The following ZNF814 variants were observed in gnomAD, a reference collection of about 807,000 sequenced individuals.
ZNF814 encodes zinc finger protein 814.
A neutral mutation model predicts 7.5 loss-of-function variants in ZNF814; 5 were observed. That is an observed-to-expected ratio of 0.67 (90% CI 0.35 to 1.40). The LOEUF is 1.40. ZNF814 is among the 40% of genes most tolerant of loss of function. The pLI, the probability that ZNF814 is intolerant of heterozygous loss-of-function variation, is 0.04. For missense variants in ZNF814, 962 were observed against 1,018.0 expected, an observed-to-expected ratio of 0.94 and a Z score of 0.75; for synonymous variants, 315 against 340.7, an observed-to-expected ratio of 0.92 and a Z score of 0.83.
At chr19:57,875,961 T>C (rs1317652079) in intron 2 of ZNF814, among the ~76,000 whole-genome samples, 2 of 118,860 alleles carry the variant, frequency 1.7e-5, no homozygotes, top group East Asian at 2.3e-4. Flanking sequence ...TTTTTTTTTT[T>C]TTTTTTTTTT....
the ZNF814 span, among the ~76,000 whole-genome samples, chr19:57,900,895 T>C: frequency 7.9e-6 from 1 of 126,440 alleles, no homozygotes; most frequent in Non-Finnish European, 1.6e-5. Context: ...TCGCCCAGGC[T>C]GGAGTGCAGT....
In ZNF814 at chr19:57,874,055, A is replaced by G; in HGVS notation, c.1335T>C (p.Phe445=). The G allele has an allele frequency of 6.2e-7, 1 of 1,610,398 alleles. No individual in the cohort carries two copies. Among genetic ancestry groups the G allele is most frequent in the Non-Finnish European group, 8.5e-7 (1 of 1,178,328 alleles). The part of the protein sequence containing the change: ...PYGCEECGKS[F]SSEGHLRSHQ... ...GGCTCCTAAGATGTCCTTCTGAACT[A>G]AAAGATTTCCCACATTCTTCACACC... The change falls in exon 3 of 3, where the codon TTT becomes TTC. Residue 445 remains phenylalanine, a synonymous_variant. Coordinates refer to ENST00000435989, the MANE Select transcript of ZNF814 (RefSeq NM_001144989.2).
the ZNF814 span, among the ~76,000 whole-genome samples, chr19:57,894,080 C>T: frequency 7.1e-6 from 1 of 141,550 alleles, no homozygotes; most frequent in South Asian, 2.3e-4. Context: ...GAGACTCTGT[C>T]TCGAAAAAAA....
At position 57,874,761 on chromosome 19, in the gene ZNF814, C is replaced by T. The variant is rs757344209; in HGVS notation, c.629G>A (p.Gly210Glu). The change falls in exon 3 of 3, where the codon GGG (glycine) becomes GAG (glutamate). Residue 210 changes from glycine to glutamate, a missense_variant. By Grantham distance (98) the Gly-to-Glu change is moderately conservative. Coordinates refer to ENST00000435989, the MANE Select transcript of ZNF814 (RefSeq NM_001144989.2). The stretch of plus-strand genomic sequence containing the variant: ...TTCTCCACAGCTGTAGTGAGCTCCC[C>T]CACACTGAATGGGAGACACACACTC... Reference protein sequence around the residue: ...KTECVSPIQCGGAHYSCGESM... With the variant: ...KTECVSPIQCEGAHYSCGESM... 5 of 1,613,714 alleles carry T rather than the reference C, an allele frequency of 3.1e-6. No homozygotes were observed. The South Asian group carries it at 5.5e-5, about 18-fold the overall frequency.
Position 57,874,504 on chromosome 19 carries a change from G to T in ZNF814, c.886C>A (p.His296Asn), listed in dbSNP as rs879219304. 21 of 1,392,532 alleles carry T rather than the reference G, an allele frequency of 1.5e-5. 7 individuals carry two copies. Among genetic ancestry groups the T allele is most frequent in the South Asian group, 6.6e-5 (5 of 75,200 alleles). The allele number at this position is 1,392,532 out of a possible 1,614,324, so 86.3% of individuals were successfully genotyped here. ...GATTTCCCACATTCTCCACATTCAT[G>T]TTTTTTTTCAGTGTGAACTCTCTGA... ...NHQRVHTEKKHECGECGKSFS... is the reference protein window; with the variant it reads ...NHQRVHTEKKNECGECGKSFS... The change falls in exon 3 of 3, where the codon CAT becomes AAT. Residue 296 changes from histidine (H) to asparagine (N), a missense_variant. His to Asn is a moderately conservative substitution (Grantham distance 68). Transcript: ENST00000435989.
chr19:57,883,249 A>T (rs999523724), intron 1 of ZNF814, among the ~76,000 whole-genome samples: 7 of 151,992 alleles, frequency 4.6e-5, no homozygotes, highest in African/African-American at 1.4e-4. Context: ...TCCCAGCTAC[A>T]CGGGAGGCTG....
At chr19:57,895,565 C>G in the ZNF814 span, among the ~76,000 whole-genome samples, 4 of 151,958 alleles carry the variant, frequency 2.6e-5, no homozygotes, top group Non-Finnish European at 5.9e-5. Flanking sequence ...TGTGAGTCAC[C>G]GCACCTGGCC....
At chr19:57,884,134 A>T (rs1205769806) in intron 1 of ZNF814, among the ~76,000 whole-genome samples, 2 of 152,232 alleles carry the variant, frequency 1.3e-5, no homozygotes, top group Admixed American at 6.5e-5. Flanking sequence ...AGATCAAGTT[A>T]AAAAGCTTCT....
At chr19:57,895,825 T>C in the ZNF814 span, among the ~76,000 whole-genome samples, 2 of 152,092 alleles carry the variant, frequency 1.3e-5, no homozygotes, top group East Asian at 3.9e-4. Flanking sequence ...AAGAGAGGGT[T>C]CTTTGGATCT....
chr19:57,902,581 T>C, the ZNF814 span, among the ~76,000 whole-genome samples: 1 of 140,198 alleles, frequency 7.1e-6, no homozygotes, highest in South Asian at 2.3e-4. Flanking sequence ...AAATATGTTC[T>C]CTCTTTTCTT....
the ZNF814 span, among the ~76,000 whole-genome samples, chr19:57,895,988 A>G: frequency 6.6e-6 from 1 of 152,182 alleles, no homozygotes; most frequent in Non-Finnish European, 1.5e-5. Context: ...ACTTGTTTAT[A>G]CATAGTGTCA....
upstream of ZNF814, among the ~76,000 whole-genome samples, chr19:57,892,933 T>G (rs2071740829): frequency 6.6e-6 from 1 of 152,228 alleles, no homozygotes; most frequent in Non-Finnish European, 1.5e-5. Context: ...CCAGGGCAAG[T>G]TTGAGCCTTG....
At chr19:57,904,526 C>T in the ZNF814 span, among the ~76,000 whole-genome samples, 10 of 152,180 alleles carry the variant, frequency 6.6e-5, no homozygotes, top group Non-Finnish European at 8.8e-5. Flanking sequence ...GAAAGCAGGT[C>T]ATGTTCACTG....
intron 1 of ZNF814, among the ~76,000 whole-genome samples, chr19:57,878,492 ACT>A (rs2122443277): frequency 7.3e-6 from 1 of 137,606 alleles, no homozygotes; most frequent in East Asian, 2.1e-4. Context: ...ATGGAGTCTC[ACT>A]CTGTCACCAG....
Position 57,872,945 on chromosome 19 carries a change from G to C in ZNF814, c.2445C>G (p.Leu815=), listed in dbSNP as rs1455095272. The C allele has an allele frequency of 6.2e-7, 1 of 1,613,976 alleles. No individual in the cohort carries two copies. The highest frequency in any genetic ancestry group is 1.7e-5 in the Admixed American group (1 of 59,994). ...CGKSFAESSS[L]TKHKRVHTGE... ...CAGTGTGAACTCTCTTGTGTTTAGT[G>C]AGACTGGAGCTTTCAGCAAAAGATT... Residue 815 remains leucine (L), a synonymous_variant, in exon 3 of 3, where the codon CTC becomes CTG. Coordinates refer to ENST00000435989, the MANE Select transcript of ZNF814 (RefSeq NM_001144989.2).
chr19:57,883,792 C>CTGTT (rs1291767437), intron 1 of ZNF814, among the ~76,000 whole-genome samples: 1 of 151,690 alleles, frequency 6.6e-6, no homozygotes, highest in Admixed American at 6.6e-5. Context: ...AAGTCTCACT[C>CTGTT]TGTTGCCCAG....
At chr19:57,875,252 G>A in intron 2 of ZNF814, 26 bp from the exon 3 acceptor site, 9 of 1,503,660 alleles carry the variant, frequency 6.0e-6, no homozygotes, top group South Asian at 1.3e-5. Context: ...TGCTGGTGAA[G>A]TGCATGTTAA....
At position 57,870,401 on chromosome 19, in the gene ZNF814, A is replaced by T. The variant is rs562526944; in HGVS notation, c.*2421T>A. ...CTAGCCTCCACGGTAGCAAATATTG[A>T]TGTGGCACTAAGGCCATTTCCACCT... On this transcript the variant is annotated 3_prime_UTR_variant, in exon 3 of 3. Coordinates refer to ENST00000435989, the MANE Select transcript of ZNF814 (RefSeq NM_001144989.2). 7.9e-5 allele frequency: 12 copies of T among 152,268 alleles called. No individual in the cohort carries two copies. The highest frequency in any genetic ancestry group is 2.9e-4 in the African/African-American group (12 of 41,566). 9.4% of individuals were successfully genotyped at this position (152,268 alleles called of 1,614,324 possible). A position where few individuals can be genotyped will look rare whatever the true frequency, so the allele number is the denominator to read the frequency against.
At chr19:57,899,216 C>G in the ZNF814 span, among the ~76,000 whole-genome samples, 3 of 152,140 alleles carry the variant, frequency 2.0e-5, no homozygotes, top group African/African-American at 7.2e-5. Flanking sequence ...GTTAAGTAGT[C>G]CAACTATTTG....
Sources: allele counts gnomAD v4.1 joint callset (sites outside exome capture counted in the v4.1 genomes callset), GRCh38; gene constraint gnomAD v4.1.1; transcripts MANE v1.5; gene names NCBI Gene and HGNC (gene_info 2026-07-23, HGNC 2026-07-21).